The following CLRN3 variants were observed in gnomAD, a reference collection of about 807,000 sequenced individuals.
CLRN3 encodes clarin-3.
Under a neutral mutation model 16.7 loss-of-function variants are expected in CLRN3, and 12 were observed. The observed-to-expected ratio is 0.72, with a 90% CI of 0.46 to 1.16. The LOEUF (loss-of-function observed/expected upper bound fraction) is 1.16. Ranked by LOEUF, CLRN3 falls within the 50% of genes most tolerant of loss-of-function variation. The probability of loss-of-function intolerance (pLI) is 0.00; values close to 1 mark genes in which losing one functional copy is unlikely to be tolerated. For missense variants in CLRN3, 296 were observed against 274.2 expected, an observed-to-expected ratio of 1.08 and a Z score of -0.56; for synonymous variants, 118 against 113.0, an observed-to-expected ratio of 1.04 and a Z score of -0.28.
In CLRN3 at chr10:127,883,686, G is replaced by A. The variant is rs1284693721; in HGVS notation, c.409+10C>T. 2.5e-6 allele frequency: 4 copies of A among 1,598,512 alleles called. No homozygotes were observed. The highest frequency in any genetic ancestry group is 3.3e-5 in the Admixed American group (2 of 59,956). On this transcript the variant is annotated intron_variant, in intron 2 of 2. Transcript: ENST00000368671. ...TTCTGCAGAGCACCGAGTCTCACAGGGCCACTCACCACCGAGCCCGTTCCA... is the reference window on the plus strand; with the variant it reads ...TTCTGCAGAGCACCGAGTCTCACAGAGCCACTCACCACCGAGCCCGTTCCA...
At chr10:127,883,150 T>C (rs1424509362) in intron 2 of CLRN3, among the ~76,000 whole-genome samples, 1 of 152,184 alleles carries the variant, frequency 6.6e-6, no homozygotes, top group African/African-American at 2.4e-5. Flanking sequence ...ACCCAGATTC[T>C]CTTATGTGCC....
chr10:127,883,085 C>A (rs887717186), intron 2 of CLRN3, among the ~76,000 whole-genome samples: 12 of 152,196 alleles, frequency 7.9e-5, no homozygotes, highest in Admixed American at 3.3e-4. Flanking sequence ...AATAACCAAG[C>A]AACACCACCC....
chr10:127,887,247 C>T (rs1845206817), intron 1 of CLRN3, among the ~76,000 whole-genome samples: 1 of 152,144 alleles, frequency 6.6e-6, no homozygotes, highest in Admixed American at 6.5e-5. Flanking sequence ...GAATCGCTTC[C>T]CATTCCACAC....
Position 127,887,528 on chromosome 10 carries a change from T to C in CLRN3, c.230-3653A>G, listed in dbSNP as rs569771307. On this transcript the variant is annotated intron_variant, in intron 1 of 2. Coordinates refer to ENST00000368671, the MANE Select transcript of CLRN3 (RefSeq NM_152311.5). The stretch of plus-strand genomic sequence containing the variant: ...GTTTGTGACTTTTGGTAAGATCTAA[T>C]GATGTGATTTTTCAAAAGGGAGTCA... Among the ~76,000 whole-genome samples, 5 of 152,110 alleles carry C rather than the reference T, an allele frequency of 3.3e-5. No homozygotes were observed. In the East Asian group the frequency reaches 7.7e-4, roughly 24 times the overall value.
At chr10:127,891,333 CA>C (rs200808906) in intron 1 of CLRN3, among the ~76,000 whole-genome samples, 9 of 151,736 alleles carry the variant, frequency 5.9e-5, no homozygotes, top group African/African-American at 1.9e-4. Flanking sequence ...ATATGGAAAC[CA>C]AAAAAAACTG....
chr10:127,890,880 T>C (rs1292097122), intron 1 of CLRN3, among the ~76,000 whole-genome samples: 5 of 152,194 alleles, frequency 3.3e-5, no homozygotes, highest in Admixed American at 2.6e-4. Context: ...ATTACAATCA[T>C]TGGCAATAAA....
rs184698903 is a variant in CLRN3 at position 127,880,629 on chromosome 10, A to G, written c.410-2209T>C. Reference sequence around the variant, plus strand: ...ATTTTATCCCCTGAGGCCAGGATACAGCCTCATCAGGTCAGTGTGGTGTAG... The same window carrying G: ...ATTTTATCCCCTGAGGCCAGGATACGGCCTCATCAGGTCAGTGTGGTGTAG... On this transcript the variant is annotated intron_variant, in intron 2 of 2. Coordinates refer to ENST00000368671, the MANE Select transcript of CLRN3 (RefSeq NM_152311.5). Among the ~76,000 whole-genome samples the G allele has an allele frequency of 1.1e-3, 168 of 152,318 alleles. 1 individual carries two copies. The highest frequency in any genetic ancestry group is 3.8e-3 in the African/African-American group (157 of 41,560).
At chr10:127,891,388 C>T (rs1007835068) in intron 1 of CLRN3, among the ~76,000 whole-genome samples, 1 of 152,214 alleles carries the variant, frequency 6.6e-6, no homozygotes, top group African/African-American at 2.4e-5. Flanking sequence ...GTGTCTGAGG[C>T]TTCAGGGCAG....
At chr10:127,890,054 AG>A in intron 1 of CLRN3, among the ~76,000 whole-genome samples, 1 of 152,254 alleles carries the variant, frequency 6.6e-6, no homozygotes, top group East Asian at 1.9e-4. Context: ...CAGTGAGTGC[AG>A]GGCACTGATT....
chr10:127,886,602 G>A (rs1405310202), intron 1 of CLRN3, among the ~76,000 whole-genome samples: 2 of 152,236 alleles, frequency 1.3e-5, no homozygotes, highest in East Asian at 3.9e-4. Flanking sequence ...AAGGGCAGGA[G>A]GAGGGCAATG....
chr10:127,886,096 C>A (rs890589776), intron 1 of CLRN3, among the ~76,000 whole-genome samples: 18 of 152,072 alleles, frequency 1.2e-4, no homozygotes, highest in Admixed American at 7.9e-4. Context: ...CACTATGTTG[C>A]CCAGGCTGGT....
chr10:127,889,343 G>A (rs563423942), intron 1 of CLRN3, among the ~76,000 whole-genome samples: 1 of 152,104 alleles, frequency 6.6e-6, no homozygotes, highest in South Asian at 2.1e-4. Flanking sequence ...GAAAAATCTT[G>A]CCGGGCGCAG....
intron 1 of CLRN3, 139 bp from the exon 2 acceptor site, chr10:127,884,014 C>T: frequency 1.3e-6 from 1 of 756,358 alleles, no homozygotes; most frequent in African/African-American, 1.7e-5. Context: ...GCCTCCAACC[C>T]ATGCAAGAAC....
chr10:127,882,384 C>T (rs1048775829), intron 2 of CLRN3, among the ~76,000 whole-genome samples: 2 of 152,224 alleles, frequency 1.3e-5, no homozygotes, highest in African/African-American at 4.8e-5. Context: ...TAATGCTTTT[C>T]CATTTTAAAA....
intron 1 of CLRN3, among the ~76,000 whole-genome samples, chr10:127,885,333 C>G (rs1359704652): frequency 6.6e-6 from 1 of 152,178 alleles, no homozygotes; most frequent in Non-Finnish European, 1.5e-5. Context: ...CCTCATTATG[C>G]TGAGCCCAAA....
chr10:127,881,098 C>T (rs1353588800), intron 2 of CLRN3, among the ~76,000 whole-genome samples: 2 of 152,198 alleles, frequency 1.3e-5, no homozygotes, highest in African/African-American at 4.8e-5. Context: ...GGAAGCTAAG[C>T]TGTGCTGAGG....
intron 2 of CLRN3, among the ~76,000 whole-genome samples, chr10:127,883,385 G>T (rs1845153181): frequency 6.6e-6 from 1 of 152,226 alleles, no homozygotes; most frequent in South Asian, 2.1e-4. Context: ...TTCAGCACAT[G>T]GCAGGAGCCC....
Position 127,883,750 on chromosome 10 carries a change from G to C in CLRN3, c.355C>G (p.Pro119Ala). The change falls in exon 2 of 3, where the codon CCT becomes GCT. Residue 119 changes from proline to alanine, a missense_variant. Transcript: ENST00000368671. ...GTCGGCCCCAGGAATGTCTGGTAAGGGTTGCTGATGCTGTTGTAGAAGGTA... is the reference window on the plus strand; with the variant it reads ...GTCGGCCCCAGGAATGTCTGGTAAGCGTTGCTGATGCTGTTGTAGAAGGTA... ...GFTFYNSISN[P>A]YQTFLGPTGV... The C allele has an allele frequency of 2.5e-6, 4 of 1,613,870 alleles. No homozygotes were observed. The highest frequency in any genetic ancestry group is 1.1e-5 in the South Asian group (1 of 91,054).
chr10:127,878,440 T>A lies in CLRN3; in HGVS notation c.410-20A>T. ...AGGATGCTGAAAGGAAGATGGAGTT[T>A]CATGCATGGCATGGTGATACAGTTT... On this transcript the variant is annotated intron_variant, in intron 2 of 2. Coordinates refer to ENST00000368671, the MANE Select transcript of CLRN3 (RefSeq NM_152311.5). 1 of 1,612,516 alleles carries A rather than the reference T, an allele frequency of 6.2e-7. No individual in the cohort carries two copies. Among genetic ancestry groups the A allele is most frequent in the Non-Finnish European group, 8.5e-7 (1 of 1,178,760 alleles).
Sources: gnomAD v4.1 joint callset for allele counts (sites outside exome capture counted in the v4.1 genomes callset) on GRCh38, gnomAD v4.1.1 for gene constraint, MANE v1.5 for transcripts, NCBI Gene and HGNC (gene_info 2026-07-23, HGNC 2026-07-21) for gene names.